Variants in VWA5B1 observed in about 807,000 individuals in gnomAD.
The protein encoded by VWA5B1 is von Willebrand factor A domain-containing protein 5B1.
VWA5B1 carries 115 observed loss-of-function variants against 118.2 expected under a neutral mutation model. The observed-to-expected ratio is 0.97, with a 90% CI of 0.84 to 1.14. The LOEUF (loss-of-function observed/expected upper bound fraction) is 1.14. Among genes scored for constraint, VWA5B1 ranks in the 50% most tolerant of loss-of-function variants. The pLI is 0.00. For synonymous variants in VWA5B1, 682 were observed against 658.4 expected, an observed-to-expected ratio of 1.04 and a Z score of -0.55; for missense variants, 1,596 against 1,603.8, an observed-to-expected ratio of 1.00 and a Z score of 0.08.
intron 2 of VWA5B1, among the ~76,000 whole-genome samples, chr1:20,312,050 G>A (rs1001715816): frequency 6.6e-6 from 1 of 152,166 alleles, no homozygotes; most frequent in African/African-American, 2.4e-5. Flanking sequence ...GGGTTTGTGA[G>A]GGGCTCACCC....
At chr1:20,351,698 G>A (rs1325255250) in intron 20 of VWA5B1, among the ~76,000 whole-genome samples, 2 of 152,150 alleles carry the variant, frequency 1.3e-5, no homozygotes, top group East Asian at 1.9e-4. Context: ...GTGTGTGCCT[G>A]TAGTCCAGGA....
At chr1:20,303,617 T>A (rs541619275) in intron 1 of VWA5B1, among the ~76,000 whole-genome samples, 1 of 152,264 alleles carries the variant, frequency 6.6e-6, no homozygotes, top group South Asian at 2.1e-4. Flanking sequence ...CCAATTACTA[T>A]GGAAGTGGCC....
At chr1:20,318,748 G>A (rs1048959851) in intron 6 of VWA5B1, 27 bp downstream of exon 6, 14 of 1,455,582 alleles carry the variant, frequency 9.6e-6, no homozygotes, top group African/African-American at 2.9e-5. Context: ...CGGGCCCCTG[G>A]GCTGCCTGTG....
At chr1:20,348,697 A>G (rs2090061812) in intron 18 of VWA5B1, among the ~76,000 whole-genome samples, 1 of 152,228 alleles carries the variant, frequency 6.6e-6, no homozygotes, top group South Asian at 2.1e-4. Context: ...ACCAACTGCC[A>G]GGAAACCTAA....
intron 4 of VWA5B1, 49 bp downstream of exon 4, chr1:20,314,641 G>A: frequency 6.5e-7 from 1 of 1,536,688 alleles, no homozygotes; most frequent in African/African-American, 1.4e-5. Context: ...GGGCAGCAGA[G>A]AGTGCGTCAG....
chr1:20,325,944 G>A (rs1326601591), intron 8 of VWA5B1, among the ~76,000 whole-genome samples: 1 of 152,178 alleles, frequency 6.6e-6, no homozygotes, highest in East Asian at 1.9e-4. Flanking sequence ...AAGAGCTTAT[G>A]CCAAAGGGGA....
intron 14 of VWA5B1, 76 bp downstream of exon 14, chr1:20,337,912 C>A (rs557223294): frequency 7.4e-5 from 114 of 1,534,462 alleles, no homozygotes; most frequent in Non-Finnish European, 9.6e-5. Flanking sequence ...CTGCTTCAAC[C>A]GCAGGACGTG....
intron 7 of VWA5B1, chr1:20,323,140 T>C: frequency 2.6e-6 from 1 of 386,488 alleles, no homozygotes. Context: ...AGAGCTGGGA[T>C]TCAAACCCAA....
chr1:20,341,799 A>G (rs1031089790), intron 14 of VWA5B1, among the ~76,000 whole-genome samples: 36 of 152,242 alleles, frequency 2.4e-4, no homozygotes, highest in African/African-American at 7.7e-4. Flanking sequence ...AAGTCCATAA[A>G]TAAAACCAAA....
At chr1:20,353,639 T>C in intron 21 of VWA5B1, 118 bp from the exon 22 acceptor site, 1 of 1,355,354 alleles carries the variant, frequency 7.4e-7, no homozygotes, top group Non-Finnish European at 9.7e-7. Context: ...CTGGGTATCC[T>C]GAAAATCCCC....
intron 7 of VWA5B1, 98 bp downstream of exon 7, chr1:20,319,604 C>T (rs1353745757): frequency 1.3e-5 from 19 of 1,488,352 alleles, no homozygotes; most frequent in Middle Eastern, 4.7e-4. Flanking sequence ...GTAACCTGCC[C>T]GAGGTCATCC....
rs2090261976 is a variant in VWA5B1, at chr1:20,358,149, G to A, written c.*3886G>A. 6.6e-6 allele frequency among the ~76,000 whole-genome samples: 1 copy of A among 152,142 alleles called. No homozygotes were observed. The highest frequency in any genetic ancestry group is 2.4e-5 in the African/African-American group (1 of 41,410). On this transcript the variant is annotated 3_prime_UTR_variant, in exon 22 of 22. Coordinates refer to ENST00000289815, the MANE Select transcript of VWA5B1 (RefSeq NM_001039500.3). ...TCCCTTCTCTGCGGGCAAAATGAAT[G>A]GCATCCCCTAGCCTTCACTGACCTG...
intron 12 of VWA5B1, among the ~76,000 whole-genome samples, chr1:20,334,129 T>A (rs1381568580): frequency 1.3e-5 from 2 of 152,208 alleles, no homozygotes; most frequent in Admixed American, 1.3e-4. Flanking sequence ...TAAATGTGTG[T>A]CTCATTTTTC....
chr1:20,333,431 C>A (rs996926343), intron 12 of VWA5B1, among the ~76,000 whole-genome samples: 12 of 152,154 alleles, frequency 7.9e-5, no homozygotes, highest in African/African-American at 2.9e-4. Context: ...GAGCTAAGAT[C>A]GTGCCATTGC....
chr1:20,308,646 A>G (rs2088743671), intron 1 of VWA5B1, among the ~76,000 whole-genome samples: 1 of 152,146 alleles, frequency 6.6e-6, no homozygotes, highest in African/African-American at 2.4e-5. Flanking sequence ...CTACTTGGGG[A>G]GACAGCAGCT....
rs2090252454 is a variant in VWA5B1, at chr1:20,357,599, A to G, written c.*3336A>G. Among the ~76,000 whole-genome samples the G allele has an allele frequency of 1.3e-5, 2 of 152,338 alleles. No individual in the cohort carries two copies. The highest frequency in any genetic ancestry group is 2.9e-5 in the Non-Finnish European group (2 of 68,032). The stretch of plus-strand genomic sequence containing the variant: ...GTGCCTACTGTATGCCAGGCATGGC[A>G]TACTGGGGTACCACAGTGAACATAC... On this transcript the variant is annotated 3_prime_UTR_variant, in exon 22 of 22. Coordinates refer to ENST00000289815, the MANE Select transcript of VWA5B1 (RefSeq NM_001039500.3).
intron 17 of VWA5B1, 111 bp downstream of exon 17, chr1:20,345,704 C>T (rs1184299776): frequency 2.1e-6 from 3 of 1,408,320 alleles, no homozygotes; most frequent in East Asian, 2.6e-5. Context: ...CGGGGTGAGA[C>T]AGGGCCTAGA....
chr1:20,310,103 A>G (rs889262722), intron 1 of VWA5B1, among the ~76,000 whole-genome samples: 3 of 152,118 alleles, frequency 2.0e-5, no homozygotes, highest in African/African-American at 7.2e-5. Context: ...TGCAGTGGGC[A>G]GCCTCACTGA....
intron 11 of VWA5B1, 132 bp downstream of exon 11, chr1:20,331,115 C>G (rs2089541085): frequency 2.8e-6 from 2 of 716,000 alleles, no homozygotes; most frequent in Non-Finnish European, 4.6e-6. Context: ...ACACTGCATC[C>G]CAATGAGAAC....
Sources: allele counts gnomAD v4.1 joint callset (sites outside exome capture counted in the v4.1 genomes callset), GRCh38; gene constraint gnomAD v4.1.1; transcripts MANE v1.5; gene names NCBI Gene and HGNC (gene_info 2026-07-23, HGNC 2026-07-21).